GSTCD: variants seen among roughly 807,000 people sequenced by gnomAD.
GSTCD encodes glutathione S-transferase C-terminal domain-containing protein.
In GSTCD, 44 loss-of-function variants were observed where a neutral mutation model predicts 68.3. That is an observed-to-expected ratio of 0.64 (90% CI 0.51 to 0.83). GSTCD has a LOEUF of 0.83. Ranked by LOEUF, GSTCD falls within the 40% of genes least tolerant of loss-of-function variation. The pLI is 0.00. For synonymous variants in GSTCD, 273 were observed against 255.2 expected (o/e 1.07, Z -0.67); for missense variants, 739 against 735.9 (o/e 1.00, Z -0.05).
intron 10 of GSTCD, among the ~76,000 whole-genome samples, chr4:105,839,176 A>AT (rs1724237884): frequency 6.6e-6 from 1 of 152,248 alleles, no homozygotes; most frequent in African/African-American, 2.4e-5. Context: ...GCTTTCAGCC[A>AT]AAACCACAAC....
chr4:105,805,301 T>C (rs1578490477), intron 5 of GSTCD, among the ~76,000 whole-genome samples: 1 of 152,186 alleles, frequency 6.6e-6, no homozygotes, highest in East Asian at 1.9e-4. Context: ...TAACCCATAA[T>C]TAATAATCTA....
At chr4:105,803,669 A>G (rs1021909239) in intron 5 of GSTCD, among the ~76,000 whole-genome samples, 1 of 152,020 alleles carries the variant, frequency 6.6e-6, no homozygotes, top group Non-Finnish European at 1.5e-5. Context: ...AAATTATATC[A>G]TAGCTCTAAA....
intron 5 of GSTCD, among the ~76,000 whole-genome samples, chr4:105,793,396 T>C (rs971159654): frequency 1.3e-5 from 2 of 150,626 alleles, no homozygotes; most frequent in African/African-American, 5.0e-5. Flanking sequence ...TGGGGTGTGA[T>C]ATCATGATTA....
chr4:105,737,927 T>C (rs1442853676), intron 5 of GSTCD, among the ~76,000 whole-genome samples: 1 of 152,208 alleles, frequency 6.6e-6, no homozygotes, highest in Non-Finnish European at 1.5e-5. Context: ...CATGGTAATG[T>C]GTGAGTTCTC....
Position 105,836,153 on chromosome 4 carries a change from G to A in GSTCD, c.1664+1559G>A, listed in dbSNP as rs183170434. ...GGAAGGAGACCTGCAGTGGGTAGCT[G>A]CTGTCTTCAGGCAGGTCATCTCATC... On this transcript the variant is annotated intron_variant, in intron 9 of 11. Transcript: ENST00000515279. Among the ~76,000 whole-genome samples, 7 of 152,150 alleles carry A rather than the reference G, an allele frequency of 4.6e-5. No individual in the cohort carries two copies. The East Asian group carries it at 9.7e-4, about 21-fold the overall frequency.
At chr4:105,764,488 A>G (rs757864547) in intron 5 of GSTCD, among the ~76,000 whole-genome samples, 1 of 152,210 alleles carries the variant, frequency 6.6e-6, no homozygotes, top group Non-Finnish European at 1.5e-5. Flanking sequence ...AGTTTTTCAC[A>G]TTTCTGGAAG....
intron 5 of GSTCD, among the ~76,000 whole-genome samples, chr4:105,802,946 G>A (rs1456038177): frequency 1.3e-5 from 2 of 152,096 alleles, no homozygotes; most frequent in African/African-American, 4.8e-5. Flanking sequence ...CTAGTGTGAG[G>A]TGAGTAGATG....
At position 105,821,094 on chromosome 4, in the gene GSTCD, C is replaced by T. The variant is rs1723264077; in HGVS notation, c.1241-1860C>T. 1.3e-5 allele frequency: 2 copies of T among 151,802 alleles called. 1 individual carries two copies. The highest frequency in any genetic ancestry group is 3.8e-4 in the East Asian group (2 of 5,198). 9.4% of individuals were successfully genotyped at this position (151,802 alleles called of 1,614,324 possible). ...CTCCATTTAATGGCAGTATTTTTTA[C>T]TCTAGGTCTCCAAAGAGCCTCAAAG... On this transcript the variant is annotated intron_variant, in intron 5 of 11. Coordinates refer to ENST00000515279, the MANE Select transcript of GSTCD (RefSeq NM_001370181.1).
At chr4:105,780,148 A>C (rs1453311765) in intron 5 of GSTCD, among the ~76,000 whole-genome samples, 2 of 152,200 alleles carry the variant, frequency 1.3e-5, no homozygotes, top group Non-Finnish European at 2.9e-5. Flanking sequence ...GCCATTTCTC[A>C]TGATGGACAG....
chr4:105,713,572 T>A (rs1220479203), intron 1 of GSTCD, among the ~76,000 whole-genome samples: 1 of 152,210 alleles, frequency 6.6e-6, no homozygotes, highest in Non-Finnish European at 1.5e-5. Context: ...TTTGGACTGA[T>A]GTACAATTCT....
intron 5 of GSTCD, among the ~76,000 whole-genome samples, chr4:105,752,677 A>G (rs995342928): frequency 2.0e-5 from 3 of 152,090 alleles, no homozygotes; most frequent in African/African-American, 7.2e-5. Flanking sequence ...GTTGTTTGTC[A>G]TAGCACTAGG....
chr4:105,718,406 G>A (rs1168378332), intron 2 of GSTCD, among the ~76,000 whole-genome samples: 1 of 152,014 alleles, frequency 6.6e-6, no homozygotes. Context: ...GCTCTCTCTT[G>A]CACCCTCTCT....
intron 5 of GSTCD, among the ~76,000 whole-genome samples, chr4:105,731,054 T>G (rs1003020624): frequency 3.9e-5 from 6 of 152,190 alleles, no homozygotes; most frequent in Non-Finnish European, 5.9e-5. Flanking sequence ...TGTGTGGTAT[T>G]ATTTCTGAGG....
At chr4:105,802,649 T>C (rs1473844639) in intron 5 of GSTCD, among the ~76,000 whole-genome samples, 1 of 152,144 alleles carries the variant, frequency 6.6e-6, no homozygotes, top group Non-Finnish European at 1.5e-5. Context: ...CATTTCATCA[T>C]CTATTCACCA....
intron 5 of GSTCD, among the ~76,000 whole-genome samples, chr4:105,822,121 A>G (rs1021497817): frequency 1.3e-5 from 2 of 152,028 alleles, no homozygotes; most frequent in African/African-American, 4.8e-5. Context: ...TTGCTCTTGT[A>G]AAGAATGCAC....
chr4:105,779,799 A>G lies in GSTCD; in HGVS notation c.1241-43155A>G, dbSNP rs186275503. Among the ~76,000 whole-genome samples, 131 of 152,342 alleles carry G rather than the reference A, an allele frequency of 8.6e-4. 2 individuals carry two copies. The highest frequency in any genetic ancestry group is 8.3e-4 in the South Asian group (4 of 4,828). On this transcript the variant is annotated intron_variant, in intron 5 of 11. Coordinates refer to ENST00000515279, the MANE Select transcript of GSTCD (RefSeq NM_001370181.1). ...TTGCCACCCAAATCTGAGGCCACTA[A>G]TAGGGAAAAGATTCAGGCATTGCCT...
At chr4:105,731,043 A>C (rs1483591001) in intron 5 of GSTCD, among the ~76,000 whole-genome samples, 1 of 151,994 alleles carries the variant, frequency 6.6e-6, no homozygotes, top group Non-Finnish European at 1.5e-5. Flanking sequence ...ATGGTTGTAG[A>C]TGTGTGGTAT....
intron 5 of GSTCD, among the ~76,000 whole-genome samples, chr4:105,806,995 G>A (rs1017513899): frequency 2.6e-5 from 4 of 152,000 alleles, no homozygotes; most frequent in African/African-American, 7.2e-5. Context: ...GCCCTACACC[G>A]ACCACGCCAT....
intron 5 of GSTCD, among the ~76,000 whole-genome samples, chr4:105,742,533 T>C (rs961238357): frequency 1.3e-5 from 2 of 152,146 alleles, no homozygotes; most frequent in African/African-American, 2.4e-5. Flanking sequence ...GGAATGGAGA[T>C]CATAGTGTAT....
Sources: allele counts gnomAD v4.1 joint callset (sites outside exome capture counted in the v4.1 genomes callset), GRCh38; gene constraint gnomAD v4.1.1; transcripts MANE v1.5; gene names NCBI Gene and HGNC (gene_info 2026-07-23, HGNC 2026-07-21).